Variants in NCOR1 observed in about 807,000 individuals in gnomAD.
The protein encoded by NCOR1 is protein phosphatase 1, regulatory subunit 109.
Under a neutral mutation model 288.1 loss-of-function variants are expected in NCOR1, and 63 were observed. That is an observed-to-expected ratio of 0.22 (90% CI 0.18 to 0.27). The LOEUF (loss-of-function observed/expected upper bound fraction) is 0.27, where lower values mean the gene tolerates loss of function less well. Among genes scored for constraint, NCOR1 ranks in the 10% least tolerant of loss-of-function variants. The probability of loss-of-function intolerance (pLI) is 1.00; values close to 1 mark genes in which losing one functional copy is unlikely to be tolerated. For missense variants in NCOR1, 2,397 were observed against 3,019.2 expected (o/e 0.79, Z 4.83); for synonymous variants, 1,007 against 1,065.9 (o/e 0.94, Z 1.08).
At chr17:16,201,100 C>T (rs545199562) in intron 1 of NCOR1, among the ~76,000 whole-genome samples, 1 of 152,306 alleles carries the variant, frequency 6.6e-6, no homozygotes, top group South Asian at 2.1e-4. Context: ...GGTTAAGATC[C>T]AATCTGGGAG....
intron 18 of NCOR1, among the ~76,000 whole-genome samples, chr17:16,110,713 G>T (rs1270540861): frequency 1.3e-5 from 2 of 152,132 alleles, no homozygotes; most frequent in African/African-American, 4.8e-5. Context: ...ATATACTACT[G>T]CCCTGTTAAA....
At chr17:16,084,820 C>T (rs1308237949) in intron 23 of NCOR1, among the ~76,000 whole-genome samples, 1 of 152,182 alleles carries the variant, frequency 6.6e-6, no homozygotes, top group Non-Finnish European at 1.5e-5. Flanking sequence ...AGACTGGTCA[C>T]ATGCCTCAAT....
At chr17:16,183,230 C>CAAAAAA (rs59665102) in intron 3 of NCOR1, among the ~76,000 whole-genome samples, 150 of 63,786 alleles carry the variant, frequency 2.4e-3, no homozygotes, top group African/African-American at 5.9e-3. Flanking sequence ...AGCAATCAAA[C>CAAAAAA]AAAAAAAAAA....
intron 30 of NCOR1, 125 bp downstream of exon 30, chr17:16,071,283 AG>A: frequency 7.3e-7 from 1 of 1,362,884 alleles, no homozygotes; most frequent in Non-Finnish European, 1.0e-6. Flanking sequence ...AAAAAGGTAC[AG>A]GAAACTTTCA....
chr17:16,181,211 A>ATGTGTGTGTG (rs61215793), intron 3 of NCOR1, among the ~76,000 whole-genome samples: 5,102 of 139,354 alleles, frequency 0.037, 135 homozygotes, highest in East Asian at 0.12. Flanking sequence ...ATATATATGT[A>ATGTGTGTGTG]TGTGTGTGTG....
At chr17:16,083,394 A>AT (rs1216353510) in intron 23 of NCOR1, among the ~76,000 whole-genome samples, 1 of 152,148 alleles carries the variant, frequency 6.6e-6, no homozygotes, top group Non-Finnish European at 1.5e-5. Context: ...AAGGAATCAA[A>AT]TAGCCAAATA....
intron 1 of NCOR1, among the ~76,000 whole-genome samples, chr17:16,206,936 A>C (rs1471156432): frequency 6.6e-6 from 1 of 152,202 alleles, no homozygotes; most frequent in Non-Finnish European, 1.5e-5. Context: ...TATTACTTAT[A>C]ATTAGTGAAA....
intron 21 of NCOR1, 32 bp downstream of exon 21, chr17:16,098,335 A>ATTT (rs1344488856): frequency 6.2e-7 from 1 of 1,605,462 alleles, no homozygotes. Flanking sequence ...AGTTTTTCAT[A>ATTT]TTTAGTTTTC....
At chr17:16,210,934 T>C (rs1339562582) in intron 1 of NCOR1, among the ~76,000 whole-genome samples, 1 of 152,126 alleles carries the variant, frequency 6.6e-6, no homozygotes, top group African/African-American at 2.4e-5. Context: ...GGTTTCATCA[T>C]GTTGGCCAGG....
In NCOR1 at chr17:16,061,733, T is replaced by C. The variant is rs747054631; in HGVS notation, c.5549A>G (p.Glu1850Gly). ...TGCTGACCTGCTTCTCAAATTTTCT[T>C]CTAACCTGGCAGCTTCATGCTTACT... ...KESKHEAARL[E>G]ENLRSRSAAV... is the part of the protein sequence containing the mutation. The change falls in exon 37 of 46, where the codon GAA becomes GGA. Residue 1850 changes from glutamate to glycine, a missense_variant. This residue lies in a region of NCOR1 where 1,872 missense variants were observed against 2,187.8 expected (regional missense o/e 0.86). Transcript: ENST00000268712. 2 of 1,614,210 alleles carry C rather than the reference T, an allele frequency of 1.2e-6. No homozygotes were observed. Among genetic ancestry groups the C allele is most frequent in the South Asian group, 2.2e-5 (2 of 91,088 alleles).
chr17:16,172,882 T>A (rs2083386195), intron 3 of NCOR1, among the ~76,000 whole-genome samples: 1 of 152,206 alleles, frequency 6.6e-6, no homozygotes, highest in Non-Finnish European at 1.5e-5. Flanking sequence ...CAAAGCAATA[T>A]TTCATTGAAA....
chr17:16,197,530 G>C (rs955233386), intron 1 of NCOR1, among the ~76,000 whole-genome samples: 1 of 152,126 alleles, frequency 6.6e-6, no homozygotes, highest in Non-Finnish European at 1.5e-5. Flanking sequence ...CTTAAGGATT[G>C]TAAGGTTGAG....
At chr17:16,166,900 G>A (rs1201159044) in intron 4 of NCOR1, among the ~76,000 whole-genome samples, 1 of 152,126 alleles carries the variant, frequency 6.6e-6, no homozygotes, top group African/African-American at 2.4e-5. Context: ...ACTAAATGCA[G>A]AATGTTTACA....
intron 23 of NCOR1, among the ~76,000 whole-genome samples, chr17:16,081,128 TA>T (rs1319837113): frequency 6.6e-6 from 1 of 151,564 alleles, no homozygotes; most frequent in Non-Finnish European, 1.5e-5. Flanking sequence ...CTCTCTTCCA[TA>T]AAAGCAACAA....
intron 43 of NCOR1, 134 bp from the exon 44 acceptor site, chr17:16,039,788 A>C: frequency 1.3e-6 from 1 of 754,660 alleles, no homozygotes; most frequent in Non-Finnish European, 2.1e-6. Flanking sequence ...GACCCACCAC[A>C]CAGAGACCTT....
intron 5 of NCOR1, among the ~76,000 whole-genome samples, chr17:16,159,716 T>C (rs1054223204): frequency 2.0e-5 from 3 of 152,098 alleles, no homozygotes; most frequent in African/African-American, 4.8e-5. Flanking sequence ...TACAAAAATA[T>C]AGACTATTGG....
intron 4 of NCOR1, among the ~76,000 whole-genome samples, chr17:16,166,624 G>A (rs556145950): frequency 6.6e-6 from 1 of 151,980 alleles, no homozygotes; most frequent in South Asian, 2.1e-4. Context: ...AGGTTGCAGT[G>A]AGCTGAGATT....
At chr17:16,175,306 A>C (rs1318773188) in intron 3 of NCOR1, among the ~76,000 whole-genome samples, 1 of 151,666 alleles carries the variant, frequency 6.6e-6, no homozygotes, top group Non-Finnish European at 1.5e-5. Flanking sequence ...CAGAGGTTGC[A>C]GTGAGTCAAG....
At chr17:16,199,216 A>AAACC (rs1337668798) in intron 1 of NCOR1, among the ~76,000 whole-genome samples, 2 of 122,320 alleles carry the variant, frequency 1.6e-5, no homozygotes, top group Non-Finnish European at 3.3e-5. Flanking sequence ...AAAAAAAAAA[A>AAACC]ACACACACAC....
Sources: gnomAD v4.1 joint callset for allele counts (sites outside exome capture counted in the v4.1 genomes callset) on GRCh38, gnomAD v4.1.1 for gene constraint, gnomAD v4.1.1 regional missense constraint, MANE v1.5 for transcripts, NCBI Gene and HGNC (gene_info 2026-07-23, HGNC 2026-07-21) for gene names.